Variants in MDN1 observed in about 807,000 individuals in gnomAD.
MDN1 encodes midasin.
Under a neutral mutation model 669.2 loss-of-function variants are expected in MDN1, and 266 were observed. The observed-to-expected ratio is 0.40, with a 90% confidence interval of 0.36 to 0.44. The LOEUF (loss-of-function observed/expected upper bound fraction) is 0.44. Ranked by LOEUF, MDN1 falls within the 20% of genes least tolerant of loss-of-function variation. The pLI is 1.00. For missense variants in MDN1, 5,940 were observed against 6,754.0 expected, an observed-to-expected ratio of 0.88 and a Z score of 4.22; for synonymous variants, 2,385 against 2,457.1, an observed-to-expected ratio of 0.97 and a Z score of 0.87.
At chr6:89,761,610 C>T (rs748475709) in intron 17 of MDN1, 35 bp downstream of exon 17, 11 of 1,433,524 alleles carry the variant, frequency 7.7e-6, no homozygotes, top group South Asian at 6.2e-5. Flanking sequence ...ATAAAATCAA[C>T]GTTCCCATAA....
chr6:89,766,344 T>C (rs567627854), intron 15 of MDN1, among the ~76,000 whole-genome samples: 7 of 149,868 alleles, frequency 4.7e-5, no homozygotes, highest in African/African-American at 1.7e-4. Context: ...GAGCACAGTA[T>C]TACCTAAAGC....
rs888946170 is a variant in MDN1, at chr6:89,750,420, T to A, written c.3340A>T (p.Thr1114Ser). 3.1e-6 allele frequency: 5 copies of A among 1,613,996 alleles called. No individual in the cohort carries two copies. The highest frequency in any genetic ancestry group is 2.7e-5 in the African/African-American group (2 of 74,938). ...HCVRINNHEH[T>S]DIQEYIGCYT... ...CAACCAATGTACTCCTGAATATCCGTGTGTTCGTGATTATTAATACGCACA... is the reference window on the plus strand; with the variant it reads ...CAACCAATGTACTCCTGAATATCCGAGTGTTCGTGATTATTAATACGCACA... The change falls in exon 24 of 102, where the codon ACG (threonine) becomes TCG (serine). Residue 1114 changes from threonine (T) to serine (S), a missense_variant. Coordinates refer to ENST00000369393, the MANE Select transcript of MDN1 (RefSeq NM_014611.3).
Position 89,650,850 on chromosome 6 carries a change from G to T in MDN1, c.15916-3C>A. The T allele has an allele frequency of 6.2e-7, 1 of 1,612,248 alleles. No homozygotes were observed. On this transcript the variant is annotated splice_polypyrimidine_tract_variant and splice_region_variant and intron_variant, in intron 95 of 101. Coordinates refer to ENST00000369393, the MANE Select transcript of MDN1 (RefSeq NM_014611.3). ...CACATCTCAGCTGCAACCTTCTCCTGTGACAACAACAAAATGTAAGTTACC... is the reference window on the plus strand; with the variant it reads ...CACATCTCAGCTGCAACCTTCTCCTTTGACAACAACAAAATGTAAGTTACC...
intron 38 of MDN1, 53 bp from the exon 39 acceptor site, chr6:89,723,672 A>C (rs1207523315): frequency 3.1e-6 from 3 of 970,170 alleles, no homozygotes; most frequent in Non-Finnish European, 4.5e-6. Flanking sequence ...TTTACCAAAC[A>C]CTAGAAATGA....
At position 89,758,967 on chromosome 6, in the gene MDN1, A is replaced by G. The variant is rs1173111993; in HGVS notation, c.2461-7T>C. On this transcript the variant is annotated splice_region_variant and splice_polypyrimidine_tract_variant and intron_variant, in intron 17 of 101. Coordinates refer to ENST00000369393, the MANE Select transcript of MDN1 (RefSeq NM_014611.3). ...CAGCCTGAGCTAATGTACCCTAGAAAAAGATAAAATAAAATGTTAACAATG... is the reference window on the plus strand; with the variant it reads ...CAGCCTGAGCTAATGTACCCTAGAAGAAGATAAAATAAAATGTTAACAATG... The G allele has an allele frequency of 2.9e-5, 46 of 1,612,114 alleles. No individual in the cohort carries two copies. The highest frequency in any genetic ancestry group is 3.8e-5 in the Non-Finnish European group (45 of 1,178,634).
chr6:89,759,281 A>G (rs1000429329), intron 17 of MDN1, among the ~76,000 whole-genome samples: 12 of 152,218 alleles, frequency 7.9e-5, no homozygotes, highest in African/African-American at 2.9e-4. Flanking sequence ...AAAACTCAAA[A>G]TAAATATAGG....
At chr6:89,649,955 T>G in intron 97 of MDN1, 69 bp downstream of exon 97, 1 of 1,514,840 alleles carries the variant, frequency 6.6e-7, no homozygotes, top group Non-Finnish European at 9.1e-7. Flanking sequence ...TTAAAGCATT[T>G]TGGTGGCCCA....
intron 64 of MDN1, 100 bp downstream of exon 64, chr6:89,690,571 TAC>T (rs2128308024): frequency 1.1e-5 from 16 of 1,407,528 alleles, no homozygotes; most frequent in African/African-American, 1.4e-5. Flanking sequence ...AATACATACA[TAC>T]AGAGAGAGAG....
rs200714199 is a variant in MDN1 at position 89,716,770 on chromosome 6, A to G, written c.6623T>C (p.Val2208Ala). 7 of 1,612,866 alleles carry G rather than the reference A, an allele frequency of 4.3e-6. No individual in the cohort carries two copies. The highest frequency in any genetic ancestry group is 5.9e-6 in the Non-Finnish European group (7 of 1,179,624). The change falls in exon 44 of 102, where the codon GTG becomes GCG. Residue 2208 changes from valine to alanine, a missense_variant. Transcript: ENST00000369393. ...KLVEEFRSFG[V>A]KLTQLASGHS... is the part of the protein sequence containing the mutation. The stretch of plus-strand genomic sequence containing the variant: ...GCCACTGGCCAACTGCGTAAGCTTC[A>G]CACCAAAGCTTCGGAACTCTTCAAC...
intron 11 of MDN1, 33 bp downstream of exon 11, chr6:89,780,179 C>A: frequency 1.5e-6 from 2 of 1,315,934 alleles, no homozygotes; most frequent in Non-Finnish European, 2.1e-6. Context: ...CTTACAGAAC[C>A]AAGACAAAAA....
At position 89,714,712 on chromosome 6, in the gene MDN1, G is replaced by A. The variant is rs141026065; in HGVS notation, c.6900C>T (p.Ser2300=). 3 of 1,613,712 alleles carry A rather than the reference G, an allele frequency of 1.9e-6. No homozygotes were observed. Among genetic ancestry groups the A allele is most frequent in the South Asian group, 2.2e-5 (2 of 90,996 alleles). The change falls in exon 46 of 102, where the codon TCC becomes TCT. Residue 2300 remains serine, a synonymous_variant. Transcript: ENST00000369393. ...LSMDPVHGDI[S]RAMRNRGLEI... is the part of the protein sequence containing the mutation. ...CAAGTCCACGATTCCTCATAGCTCG[G>A]GATATATCTCCATGAACAGGATCCA...
chr6:89,723,622 A>G lies in MDN1; in HGVS notation c.5671-3T>C, dbSNP rs891220708. On this transcript the variant is annotated splice_region_variant and splice_polypyrimidine_tract_variant and intron_variant, in intron 38 of 101. Coordinates refer to ENST00000369393, the MANE Select transcript of MDN1 (RefSeq NM_014611.3). The stretch of plus-strand genomic sequence containing the variant: ...ACTGTAAGGGGATCAACGAAGACCT[A>G]GAAATCCAAAAATAATATGAAGAAA... 4 of 1,500,774 alleles carry G rather than the reference A, an allele frequency of 2.7e-6. No homozygotes were observed. In the Admixed American group the frequency reaches 6.1e-5, roughly 23 times the overall value. 93.0% of individuals were successfully genotyped at this position (1,500,774 alleles called of 1,614,324 possible).
At chr6:89,760,379 C>T (rs1474450099) in intron 17 of MDN1, among the ~76,000 whole-genome samples, 1 of 152,156 alleles carries the variant, frequency 6.6e-6, no homozygotes, top group South Asian at 2.1e-4. Flanking sequence ...ACTCTTTCCC[C>T]GGAGACACAC....
In MDN1 at chr6:89,718,983, G is replaced by A. The variant is rs1478649833; in HGVS notation, c.6105C>T (p.Ser2035=). Residue 2035 remains serine, a synonymous_variant, in exon 42 of 102, where the codon TCC becomes TCT. Coordinates refer to ENST00000369393, the MANE Select transcript of MDN1 (RefSeq NM_014611.3). ...GGTGCAGGAGCAACAGGGGATGGCG[G>A]GACGGGTGAGGAACACAGCTCCCAC... The part of the protein sequence containing the change: ...LSRGSCVPHP[S]RHPLLLLHQS... 1.9e-6 allele frequency: 3 copies of A among 1,614,168 alleles called. No individual in the cohort carries two copies. Among genetic ancestry groups the A allele is most frequent in the South Asian group, 1.1e-5 (1 of 91,076 alleles).
Position 89,700,044 on chromosome 6 carries a change from A to G in MDN1, c.8870+19T>C. On this transcript the variant is annotated intron_variant, in intron 57 of 101. Transcript: ENST00000369393. ...GAAAAAAAGTTCCCGCAAGGAAAAC[A>G]ACTGAAAGCATGGTTTACCTTCTGA... The G allele has an allele frequency of 6.2e-7, 1 of 1,607,982 alleles. No homozygotes were observed. The highest frequency in any genetic ancestry group is 8.5e-7 in the Non-Finnish European group (1 of 1,174,484).
At position 89,708,479 on chromosome 6, in the gene MDN1, C is replaced by T; in HGVS notation, c.7898+17G>A. 1 of 1,613,526 alleles carries T rather than the reference C, an allele frequency of 6.2e-7. No homozygotes were observed. The highest frequency in any genetic ancestry group is 8.5e-7 in the Non-Finnish European group (1 of 1,179,686). The stretch of plus-strand genomic sequence containing the variant: ...CCAGTGAGGCAAACAGTGCCCAGAG[C>T]AGCAGGTTTCACTTACTTGTTTGCA... On this transcript the variant is annotated intron_variant, in intron 51 of 101. Transcript: ENST00000369393.
intron 11 of MDN1, among the ~76,000 whole-genome samples, chr6:89,779,570 A>ATGTT (rs1818547541): frequency 6.6e-6 from 1 of 152,196 alleles, no homozygotes; most frequent in Non-Finnish European, 1.5e-5. Flanking sequence ...CAAACAGACT[A>ATGTT]AGAAATTATA....
intron 47 of MDN1, 40 bp downstream of exon 47, chr6:89,713,108 G>C: frequency 6.3e-7 from 1 of 1,591,894 alleles, no homozygotes; most frequent in Non-Finnish European, 8.6e-7. Flanking sequence ...AGAATGTAGG[G>C]TATTACAACT....
chr6:89,801,213 T>G (rs1767635190), intron 2 of MDN1, among the ~76,000 whole-genome samples: 1 of 152,090 alleles, frequency 6.6e-6, no homozygotes. Context: ...CTGGCCAACA[T>G]GGTGAAACCC....
Sources: allele counts gnomAD v4.1 joint callset (sites outside exome capture counted in the v4.1 genomes callset), GRCh38; gene constraint gnomAD v4.1.1; transcripts MANE v1.5; gene names NCBI Gene and HGNC (gene_info 2026-07-23, HGNC 2026-07-21).